PLSCR2: variants seen among roughly 807,000 people sequenced by gnomAD.
The protein encoded by PLSCR2 is phospholipid scramblase 2.
A neutral mutation model predicts 25.3 loss-of-function variants in PLSCR2; 18 were observed. That is an observed-to-expected ratio of 0.71 (90% CI 0.49 to 1.06). PLSCR2 has a LOEUF of 1.06. Ranked by LOEUF, PLSCR2 falls within the 50% of genes least tolerant of loss-of-function variation. The probability of loss-of-function intolerance (pLI) is 0.00; values close to 1 mark genes in which losing one functional copy is unlikely to be tolerated. For synonymous variants in PLSCR2, 88 were observed against 87.3 expected (o/e 1.01, Z -0.04); for missense variants, 243 against 269.5 (o/e 0.90, Z 0.69).
chr3:146,436,850 G>T (rs2039895179), downstream of PLSCR2, among the ~76,000 whole-genome samples: 1 of 152,102 alleles, frequency 6.6e-6, no homozygotes, highest in South Asian at 2.1e-4. Flanking sequence ...CTTGTCTTGT[G>T]CCAGTTTTCA....
intron 2 of PLSCR2, among the ~76,000 whole-genome samples, chr3:146,404,233 T>C (rs1412102154): frequency 1.3e-5 from 2 of 152,222 alleles, no homozygotes; most frequent in Non-Finnish European, 2.9e-5. Context: ...TGCTGAGAAT[T>C]AAAAAGAAAA....
In PLSCR2 at chr3:146,446,936, C is replaced by A. The variant is rs182096403; in HGVS notation, c.645+2270G>T. On this transcript the variant is annotated intron_variant, in intron 6 of 6. Coordinates refer to ENST00000610787, the Ensembl canonical transcript of PLSCR2. ...AAGTGTCTTTCTCATTGGCCACCAC[C>A]ACCCCAGGCCCATAATACATACTGT... Among the ~76,000 whole-genome samples the A allele has an allele frequency of 2.8e-4, 42 of 152,300 alleles. 1 individual carries two copies. In the East Asian group the frequency reaches 7.7e-3, roughly 28 times the overall value.
chr3:146,410,085 T>C (rs1325967072), intron 2 of PLSCR2, among the ~76,000 whole-genome samples: 1 of 70,468 alleles, frequency 1.4e-5, no homozygotes, highest in African/African-American at 5.9e-5. Flanking sequence ...TAGCTCAAAT[T>C]CAGCTTTTTT....
intron 2 of PLSCR2, among the ~76,000 whole-genome samples, chr3:146,410,947 G>A (rs1199667264): frequency 6.6e-6 from 1 of 152,114 alleles, no homozygotes; most frequent in African/African-American, 2.4e-5. Context: ...GCCTTATGAG[G>A]TCGCCACGGA....
chr3:146,449,818 G>C (rs750884912), intron 5 of PLSCR2, among the ~76,000 whole-genome samples: 1 of 152,142 alleles, frequency 6.6e-6, no homozygotes, highest in Non-Finnish European at 1.5e-5. Context: ...AATATGAAGA[G>C]AGGCCTCACT....
intron 6 of PLSCR2, among the ~76,000 whole-genome samples, chr3:146,446,772 TC>T (rs2040578629): frequency 1.3e-5 from 2 of 152,128 alleles, no homozygotes. Flanking sequence ...CCTGGGTAGG[TC>T]CAGAGATACT....
intron 6 of PLSCR2, among the ~76,000 whole-genome samples, chr3:146,448,810 C>T (rs1314818671): frequency 2.0e-5 from 3 of 152,134 alleles, no homozygotes; most frequent in Non-Finnish European, 4.4e-5. Flanking sequence ...ACTCTTATTG[C>T]ACTTTATAAT....
At chr3:146,476,916 G>A (rs889825058) in intron 1 of PLSCR2, among the ~76,000 whole-genome samples, 9 of 152,258 alleles carry the variant, frequency 5.9e-5, no homozygotes, top group African/African-American at 1.9e-4. Flanking sequence ...AGCTGACTTA[G>A]TCTTTCCCCC....
At chr3:146,401,106 C>T (rs1359299370) in intron 2 of PLSCR2, among the ~76,000 whole-genome samples, 2 of 151,920 alleles carry the variant, frequency 1.3e-5, no homozygotes, top group African/African-American at 4.8e-5. Context: ...TCTTAGGTCA[C>T]AAAAAGCCTT....
chr3:146,425,866 T>G (rs1576598863), intron 2 of PLSCR2, among the ~76,000 whole-genome samples: 1 of 152,132 alleles, frequency 6.6e-6, no homozygotes, highest in Non-Finnish European at 1.5e-5. Context: ...TGTTATATAA[T>G]GGCAGAAAGA....
exon 9 of PLSCR2, chr3:146,433,301 C>T (rs1398979070): frequency 1.3e-5 from 2 of 151,846 alleles, no homozygotes; most frequent in African/African-American, 4.8e-5. Flanking sequence ...TTTTGCAATA[C>T]CTAGTATTTT....
In PLSCR2 at chr3:146,449,299, C is replaced by T. The variant is rs761576254; in HGVS notation, c.552G>A (p.Glu184=). ...CAAAGTTGTCAGCATCAGTAAATGC[C>T]TCTCTTAAAAACCCAGACCAGTGCT... is the stretch of plus-strand genomic sequence containing the variant. Residue 184 remains glutamate (E), a synonymous_variant, in exon 6 of 7, where the codon GAG becomes GAA. Coordinates refer to ENST00000610787, the Ensembl canonical transcript of PLSCR2. 1.9e-6 allele frequency: 3 copies of T among 1,611,460 alleles called. No individual in the cohort carries two copies. The African/African-American group carries it at 4.0e-5, about 22-fold the overall frequency.
chr3:146,406,300 T>A (rs1488880336), intron 2 of PLSCR2, among the ~76,000 whole-genome samples: 2 of 151,912 alleles, frequency 1.3e-5, no homozygotes, highest in Non-Finnish European at 2.9e-5. Flanking sequence ...CATTTTGGAG[T>A]CCTTTTTTCT....
At chr3:146,429,552 C>T (rs1233075238), downstream of PLSCR2, among the ~76,000 whole-genome samples, 1 of 152,030 alleles carries the variant, frequency 6.6e-6, no homozygotes, top group Non-Finnish European at 1.5e-5. Context: ...GCAAAGCATT[C>T]AAGATTTACC....
chr3:146,394,535 G>T (rs1230312933), intron 3 of PLSCR2, among the ~76,000 whole-genome samples: 1 of 151,984 alleles, frequency 6.6e-6, no homozygotes, highest in Non-Finnish European at 1.5e-5. Context: ...CAAAGTGCTG[G>T]GATTAAAGGT....
At chr3:146,493,042 T>C (rs1388843853) in intron 1 of PLSCR2, among the ~76,000 whole-genome samples, 2 of 151,562 alleles carry the variant, frequency 1.3e-5, no homozygotes, top group African/African-American at 4.8e-5. Flanking sequence ...TATGTACACA[T>C]ATTAGAAAAT....
chr3:146,423,563 T>TC, intron 2 of PLSCR2, among the ~76,000 whole-genome samples: 1 of 151,718 alleles, frequency 6.6e-6, no homozygotes, highest in Non-Finnish European at 1.5e-5. Context: ...TCCATCATTT[T>TC]TTTCTAGTAA....
intron 4 of PLSCR2, among the ~76,000 whole-genome samples, chr3:146,454,793 T>C (rs2041102561): frequency 1.3e-5 from 2 of 152,200 alleles, no homozygotes; most frequent in Admixed American, 1.3e-4. Context: ...GATAAGACTT[T>C]GTTCTAGGTT....
chr3:146,477,291 C>T (rs1483406856), intron 1 of PLSCR2, among the ~76,000 whole-genome samples: 1 of 152,138 alleles, frequency 6.6e-6, no homozygotes, highest in Admixed American at 6.5e-5. Context: ...CGTTACCTCA[C>T]CTGGGAAGTG....
Sources: gnomAD v4.1 joint callset for allele counts (sites outside exome capture counted in the v4.1 genomes callset) on GRCh38, gnomAD v4.1.1 for gene constraint, MANE v1.5 for transcripts, NCBI Gene and HGNC (gene_info 2026-07-23, HGNC 2026-07-21) for gene names.